TXLNB: variants seen among roughly 807,000 people sequenced by gnomAD.
TXLNB encodes the protein beta-taxilin.
Under a neutral mutation model 57.4 loss-of-function variants are expected in TXLNB, and 37 were observed. The observed-to-expected ratio is 0.64, with a 90% CI of 0.50 to 0.85. The LOEUF (loss-of-function observed/expected upper bound fraction) is 0.85, where lower values mean the gene tolerates loss of function less well. Among genes scored for constraint, TXLNB ranks in the 40% least tolerant of loss-of-function variants. TXLNB has a pLI of 0.00. For synonymous variants in TXLNB, 302 were observed against 309.6 expected, an observed-to-expected ratio of 0.98 and a Z score of 0.26; for missense variants, 848 against 825.6, an observed-to-expected ratio of 1.03 and a Z score of -0.33.
chr6:139,308,548 T>G, the TXLNB span, among the ~76,000 whole-genome samples: 1 of 152,264 alleles, frequency 6.6e-6, no homozygotes, highest in Non-Finnish European at 1.5e-5. Context: ...AATACTCCTT[T>G]TAAAAGTTTT....
chr6:139,323,429 C>T, the TXLNB span, among the ~76,000 whole-genome samples: 2 of 151,832 alleles, frequency 1.3e-5, no homozygotes, highest in East Asian at 1.9e-4. Flanking sequence ...ACTACAGGTG[C>T]GTGCCACCAC....
chr6:139,282,031 C>G (rs536610046), intron 2 of TXLNB, among the ~76,000 whole-genome samples: 38 of 151,598 alleles, frequency 2.5e-4, no homozygotes, highest in African/African-American at 8.7e-4. Flanking sequence ...AAACTCTCCT[C>G]CCTGTCAAGG....
In TXLNB at chr6:139,242,617, G is replaced by C. The variant is rs745382190; in HGVS notation, c.1964C>G (p.Pro655Arg). Residue 655 changes from proline (P) to arginine (R), a missense_variant, in exon 10 of 10, where the codon CCA becomes CGA. Coordinates refer to ENST00000358430, the MANE Select transcript of TXLNB (RefSeq NM_153235.4). ...TGGCAGCTCCTCTGCTGCTGCTCGT[G>C]GGGGCTGCCTACTGGGCTCGCATGC... Reference protein sequence around the residue: ...VPACEPSRQPPRAAAEELPVG... With the variant: ...VPACEPSRQPRRAAAEELPVG... 4.4e-6 allele frequency: 7 copies of C among 1,595,078 alleles called. No individual in the cohort carries two copies. The highest frequency in any genetic ancestry group is 2.2e-5 in the South Asian group (2 of 89,214).
the TXLNB span, among the ~76,000 whole-genome samples, chr6:139,209,329 A>G: frequency 3.9e-5 from 6 of 152,332 alleles, 1 homozygote; most frequent in African/African-American, 1.4e-4. Context: ...TCCCATGTTC[A>G]TGGATGGGTA....
At chr6:139,209,457 T>C in the TXLNB span, among the ~76,000 whole-genome samples, 6 of 152,040 alleles carry the variant, frequency 3.9e-5, no homozygotes, top group African/African-American at 2.4e-5. Flanking sequence ...CTAAAATTCA[T>C]ATGGAACCAA....
At chr6:139,308,984 T>A in the TXLNB span, among the ~76,000 whole-genome samples, 2 of 152,208 alleles carry the variant, frequency 1.3e-5, no homozygotes, top group Non-Finnish European at 2.9e-5. Context: ...TGTCTACCCC[T>A]GTGAAAGGTA....
At chr6:139,321,402 C>T in the TXLNB span, among the ~76,000 whole-genome samples, 1 of 152,140 alleles carries the variant, frequency 6.6e-6, no homozygotes, top group African/African-American at 2.4e-5. Flanking sequence ...TGGGCTCTGA[C>T]CAGATACTGA....
chr6:139,163,908 T>G, the TXLNB span, among the ~76,000 whole-genome samples: 1 of 151,802 alleles, frequency 6.6e-6, no homozygotes, highest in Non-Finnish European at 1.5e-5. Flanking sequence ...TCTCTTGAGC[T>G]CCAGTCAAAT....
the TXLNB span, among the ~76,000 whole-genome samples, chr6:139,172,096 G>C: frequency 4.6e-5 from 7 of 152,270 alleles, no homozygotes; most frequent in Non-Finnish European, 8.8e-5. Flanking sequence ...CTCCCAAAGT[G>C]CTGGGATTAT....
chr6:139,164,450 G>C, the TXLNB span, among the ~76,000 whole-genome samples: 1 of 152,114 alleles, frequency 6.6e-6, no homozygotes, highest in Non-Finnish European at 1.5e-5. Context: ...GCTTCCTGTA[G>C]TGTGCTGGAC....
rs1775983925 is a variant in TXLNB at position 139,242,970 on chromosome 6, A to C, written c.1611T>G (p.Ala537=). ...GAGGGGGTTGCTCTGGCTCCTTGAGAGCGGCGTCAGCACTCTCCTGAGAAC... is the reference window on the plus strand; with the variant it reads ...GAGGGGGTTGCTCTGGCTCCTTGAGCGCGGCGTCAGCACTCTCCTGAGAAC... ...IGSSQESADA[A]LKEPEQPPLI... Residue 537 remains alanine, a synonymous_variant, in exon 10 of 10, where the codon GCT becomes GCG. Transcript: ENST00000358430. The C allele has an allele frequency of 6.2e-6, 10 of 1,613,838 alleles. No homozygotes were observed. The highest frequency in any genetic ancestry group is 1.3e-5 in the African/African-American group (1 of 74,906).
the TXLNB span, among the ~76,000 whole-genome samples, chr6:139,186,116 G>A: frequency 6.6e-6 from 1 of 152,000 alleles, no homozygotes; most frequent in Admixed American, 6.6e-5. Context: ...AAATGGAGTT[G>A]GAACAATTTG....
the TXLNB span, among the ~76,000 whole-genome samples, chr6:139,303,860 T>C: frequency 6.7e-6 from 1 of 149,396 alleles, no homozygotes; most frequent in African/African-American, 2.4e-5. Context: ...TCCTGGTCTT[T>C]TTTTTTTTTT....
the TXLNB span, among the ~76,000 whole-genome samples, chr6:139,228,734 T>G: frequency 6.6e-6 from 1 of 152,086 alleles, no homozygotes; most frequent in Non-Finnish European, 1.5e-5. Flanking sequence ...GGACCCCACT[T>G]GGTACACGTG....
intron 2 of TXLNB, among the ~76,000 whole-genome samples, chr6:139,279,501 G>A (rs567822601): frequency 5.3e-5 from 8 of 152,264 alleles, no homozygotes; most frequent in African/African-American, 1.9e-4. Context: ...AAAAAATCCA[G>A]GAAACTGGAG....
intron 2 of TXLNB, chr6:139,287,304 G>A (rs1014614329): frequency 1.1e-4 from 17 of 152,274 alleles, no homozygotes; most frequent in Admixed American, 3.3e-4. Context: ...TTCTTTCTGA[G>A]AAAGTGGATT....
the TXLNB span, among the ~76,000 whole-genome samples, chr6:139,200,827 C>T: frequency 6.6e-6 from 1 of 152,180 alleles, no homozygotes; most frequent in Non-Finnish European, 1.5e-5. Context: ...CCCCTTGTAA[C>T]TGCAGTGACA....
intron 2 of TXLNB, among the ~76,000 whole-genome samples, chr6:139,280,306 T>C (rs970106728): frequency 2.1e-5 from 3 of 145,014 alleles, no homozygotes; most frequent in Non-Finnish European, 4.6e-5. Flanking sequence ...AAACCTGAAA[T>C]TAAAGGCAAC....
chr6:139,171,808 A>ATTT, the TXLNB span, among the ~76,000 whole-genome samples: 1 of 148,312 alleles, frequency 6.7e-6, no homozygotes. Context: ...ATTTGTTTAA[A>ATTT]CTTGTTGTTG....
Sources: gnomAD v4.1 joint callset for allele counts (sites outside exome capture counted in the v4.1 genomes callset) on GRCh38, gnomAD v4.1.1 for gene constraint, MANE v1.5 for transcripts, NCBI Gene and HGNC (gene_info 2026-07-23, HGNC 2026-07-21) for gene names.